STK38: variants seen among roughly 807,000 people sequenced by gnomAD.
STK38 encodes the protein serine/threonine-protein kinase 38.
A neutral mutation model predicts 59.0 loss-of-function variants in STK38; 26 were observed. That is an observed-to-expected ratio of 0.44 (90% CI 0.32 to 0.61). The LOEUF (loss-of-function observed/expected upper bound fraction) is 0.61. Ranked by LOEUF, STK38 falls within the 20% of genes least tolerant of loss-of-function variation. STK38 has a pLI of 0.04. For missense variants in STK38, 433 were observed against 566.0 expected (o/e 0.76, Z 2.38); for synonymous variants, 175 against 176.6 (o/e 0.99, Z 0.07).
intron 3 of STK38, among the ~76,000 whole-genome samples, chr6:36,525,250 A>G (rs1162700112): frequency 1.3e-5 from 2 of 152,198 alleles, no homozygotes; most frequent in African/African-American, 4.8e-5. Flanking sequence ...ATAAATAAAT[A>G]TTTCAAAAAT....
intron 2 of STK38, among the ~76,000 whole-genome samples, chr6:36,534,628 G>A (rs1777742710): frequency 6.6e-6 from 1 of 151,900 alleles, no homozygotes; most frequent in South Asian, 2.1e-4. Flanking sequence ...ACTCCAACCT[G>A]GGTTAAAGCA....
chr6:36,498,102 ATTTT>A (rs1327877423), intron 11 of STK38, among the ~76,000 whole-genome samples: 2 of 151,310 alleles, frequency 1.3e-5, no homozygotes, highest in Non-Finnish European at 2.9e-5. Context: ...CACCCAGCCA[ATTTT>A]TTCTTTTTAG....
chr6:36,524,542 T>C, intron 3 of STK38, 79 bp from the exon 4 acceptor site: 2 of 1,463,134 alleles, frequency 1.4e-6, no homozygotes, highest in Non-Finnish European at 1.8e-6. Flanking sequence ...GTTTGTGACT[T>C]ACCCAGCTAG....
chr6:36,496,182 TAC>T (rs368997953), intron 13 of STK38, among the ~76,000 whole-genome samples: 18 of 152,046 alleles, frequency 1.2e-4, no homozygotes, highest in African/African-American at 4.1e-4. Context: ...TAGCTGGGAC[TAC>T]AGGCGTGTGC....
chr6:36,497,880 A>G lies in STK38; in HGVS notation c.1077-5T>C. The G allele has an allele frequency of 6.2e-7, 1 of 1,604,198 alleles. No individual in the cohort carries two copies. The highest frequency in any genetic ancestry group is 8.5e-7 in the Non-Finnish European group (1 of 1,176,220). On this transcript the variant is annotated splice_polypyrimidine_tract_variant and splice_region_variant and intron_variant, in intron 11 of 13. Transcript: ENST00000229812. Reference sequence around the variant, plus strand: ...TGTTCCCATTCACAGCAGAACCTGGAAAAGACAGAGGCCTTTCAGCACATC... The same window carrying G: ...TGTTCCCATTCACAGCAGAACCTGGGAAAGACAGAGGCCTTTCAGCACATC...
At chr6:36,526,322 GACTGAAGTCT>G (rs1218917875) in intron 2 of STK38, among the ~76,000 whole-genome samples, 3 of 148,196 alleles carry the variant, frequency 2.0e-5, no homozygotes, top group African/African-American at 7.5e-5. Flanking sequence ...CCCTCTCTCT[GACTGAAGTCT>G]ACTTCCTTTA....
At chr6:36,503,554 A>C (rs1229265064) in intron 9 of STK38, among the ~76,000 whole-genome samples, 1 of 152,136 alleles carries the variant, frequency 6.6e-6, no homozygotes, top group African/African-American at 2.4e-5. Context: ...GGCCCTCTCC[A>C]AGAATTTTCA....
At chr6:36,497,676 G>T in intron 12 of STK38, 104 bp downstream of exon 12, 1 of 869,724 alleles carries the variant, frequency 1.1e-6, no homozygotes. Flanking sequence ...TCTCTAAGAA[G>T]CTCTCTTCCC....
chr6:36,538,891 C>CAA (rs1214217676), intron 2 of STK38, among the ~76,000 whole-genome samples: 4,747 of 53,778 alleles, frequency 0.088, 282 homozygotes, highest in South Asian at 0.14. Flanking sequence ...GACTCTGTCT[C>CAA]AAAAAAAAAA....
intron 10 of STK38, 95 bp from the exon 11 acceptor site, chr6:36,498,581 TC>T: frequency 1.9e-5 from 26 of 1,397,160 alleles, no homozygotes; most frequent in Admixed American, 1.2e-4. Context: ...TCTTTTTTTT[TC>T]TTTTTTCTTT....
intron 12 of STK38, 141 bp downstream of exon 12, chr6:36,497,639 G>T: frequency 3.0e-6 from 2 of 669,100 alleles, no homozygotes; most frequent in Non-Finnish European, 5.1e-6. Context: ...TCTTCACCAT[G>T]AATGAAAATC....
chr6:36,509,826 C>T (rs906547629), intron 7 of STK38, among the ~76,000 whole-genome samples: 9 of 152,224 alleles, frequency 5.9e-5, no homozygotes, highest in South Asian at 2.1e-4. Flanking sequence ...TCGCAGTCTG[C>T]AGTTTGGACC....
At chr6:36,521,690 A>G (rs1777378684) in intron 5 of STK38, 44 bp downstream of exon 5, 1 of 1,466,908 alleles carries the variant, frequency 6.8e-7, no homozygotes, top group Non-Finnish European at 9.1e-7. Context: ...GTTTTAGGAG[A>G]CAAAAATTAA....
intron 9 of STK38, among the ~76,000 whole-genome samples, chr6:36,503,278 T>C (rs561480954): frequency 6.6e-6 from 1 of 152,346 alleles, no homozygotes; most frequent in African/African-American, 2.4e-5. Flanking sequence ...CTTTATGAGC[T>C]GTAGTTCTTG....
chr6:36,498,622 CTG>C, intron 10 of STK38, 136 bp from the exon 11 acceptor site: 1 of 978,278 alleles, frequency 1.0e-6, no homozygotes, highest in Non-Finnish European at 1.4e-6. Context: ...GGGTCTCACT[CTG>C]TTACCTAGGC....
At chr6:36,496,928 T>C (rs1267422336) in intron 12 of STK38, 123 bp from the exon 13 acceptor site, 4 of 635,244 alleles carry the variant, frequency 6.3e-6, no homozygotes, top group Non-Finnish European at 1.0e-5. Flanking sequence ...GCAGGCAGCA[T>C]TTATTTTCTC....
At chr6:36,510,696 CTA>C (rs1777088368) in intron 7 of STK38, among the ~76,000 whole-genome samples, 1 of 152,232 alleles carries the variant, frequency 6.6e-6, no homozygotes, top group African/African-American at 2.4e-5. Context: ...CACACACCTT[CTA>C]TGAGTCAGGC....
chr6:36,506,891 G>A (rs969567757), intron 8 of STK38, among the ~76,000 whole-genome samples: 3 of 152,172 alleles, frequency 2.0e-5, no homozygotes, highest in Admixed American at 6.5e-5. Context: ...AAGTGGCAGA[G>A]GATACAGTAC....
At chr6:36,506,956 C>A (rs527709565) in intron 8 of STK38, among the ~76,000 whole-genome samples, 1 of 152,158 alleles carries the variant, frequency 6.6e-6, no homozygotes, top group Non-Finnish European at 1.5e-5. Flanking sequence ...GAGGTCCTAA[C>A]GTGGACCTAA....
Sources: gnomAD v4.1 joint callset for allele counts (sites outside exome capture counted in the v4.1 genomes callset) on GRCh38, gnomAD v4.1.1 for gene constraint, MANE v1.5 for transcripts, NCBI Gene and HGNC (gene_info 2026-07-23, HGNC 2026-07-21) for gene names.